NFXL1: variants seen among roughly 807,000 people sequenced by gnomAD.
NFXL1 encodes the protein nuclear transcription factor, X-box binding like 1, also known as NF-X1-type zinc finger protein NFXL1.
NFXL1 carries 66 observed loss-of-function variants against 123.3 expected under a neutral mutation model. The ratio of observed to expected loss-of-function variants is 0.54; its 90% confidence interval spans 0.44 to 0.66. NFXL1 has a LOEUF of 0.66. Among genes scored for constraint, NFXL1 ranks in the 30% least tolerant of loss-of-function variants. NFXL1 has a pLI of 0.00. For synonymous variants in NFXL1, 346 were observed against 360.8 expected (o/e 0.96, Z 0.46); for missense variants, 944 against 1,125.6 (o/e 0.84, Z 2.31).
chr4:47,903,654 T>C (rs57159058), intron 4 of NFXL1, among the ~76,000 whole-genome samples: 49,761 of 151,986 alleles, frequency 0.33, 9,839 homozygotes, highest in Non-Finnish European at 0.44. Context: ...AATGTAACTT[T>C]ATAGTCTTTT....
At chr4:47,855,348 A>G (rs894606046) in intron 19 of NFXL1, among the ~76,000 whole-genome samples, 185 bp from the exon 20 acceptor site, 2 of 149,214 alleles carry the variant, frequency 1.3e-5, no homozygotes, top group African/African-American at 4.9e-5. Flanking sequence ...TATATAATTT[A>G]ATTATATATA....
chr4:47,875,106 C>CT (rs750205635), intron 18 of NFXL1, 21 bp downstream of exon 18: 108 of 1,519,970 alleles, frequency 7.1e-5, no homozygotes, highest in Middle Eastern at 1.7e-4. Flanking sequence ...TAAAATAAGA[C>CT]TTTTTTTTCA....
At chr4:47,861,279 C>T (rs1734752027) in intron 19 of NFXL1, among the ~76,000 whole-genome samples, 1 of 152,178 alleles carries the variant, frequency 6.6e-6, no homozygotes, top group African/African-American at 2.4e-5. Context: ...TTCTACTAGA[C>T]ACAATGAAAT....
In NFXL1 at chr4:47,896,689, T is replaced by C. The variant is rs376699754; in HGVS notation, c.1205-42A>G. On this transcript the variant is annotated intron_variant, in intron 9 of 22. Transcript: ENST00000507489. ...AGTCAATGTTAATAATGAGACATTA[T>C]TATTAAACATCAACAAAGTGCCATG... is the stretch of plus-strand genomic sequence containing the variant. 35 of 1,416,610 alleles carry C rather than the reference T, an allele frequency of 2.5e-5. No individual in the cohort carries two copies. In the African/African-American group the frequency reaches 4.8e-4, roughly 19 times the overall value. The allele number at this position is 1,416,610 out of a possible 1,614,324, so 87.8% of individuals were successfully genotyped here.
chr4:47,888,166 C>T (rs779301076), intron 12 of NFXL1, among the ~76,000 whole-genome samples: 5 of 152,010 alleles, frequency 3.3e-5, no homozygotes, highest in Non-Finnish European at 5.9e-5. Context: ...GCCAGCTGCT[C>T]GGGAGGCTGA....
At chr4:47,863,501 G>A (rs1734880428) in intron 18 of NFXL1, among the ~76,000 whole-genome samples, 1 of 152,056 alleles carries the variant, frequency 6.6e-6, no homozygotes, top group Non-Finnish European at 1.5e-5. Flanking sequence ...AGCCAACATG[G>A]TGAAAGCCCA....
intron 22 of NFXL1, among the ~76,000 whole-genome samples, chr4:47,849,795 ATGAT>A (rs1734013652): frequency 6.6e-6 from 1 of 152,154 alleles, no homozygotes; most frequent in African/African-American, 2.4e-5. Flanking sequence ...AAACCTGAGG[ATGAT>A]CAAGTCTCTA....
Position 47,848,183 on chromosome 4 carries a change from T to C in NFXL1, c.2716A>G (p.Ile906Val), listed in dbSNP as rs766240007. The C allele has an allele frequency of 8.8e-6, 14 of 1,595,180 alleles. No individual in the cohort carries two copies. In the African/African-American group the frequency reaches 1.7e-4, roughly 20 times the overall value. ...GVVVVVFAWY[I>V]THDVN Reference sequence around the variant, plus strand: ...TTTTTTTAATTGACATCATGGGTGATGTACCAGGCAAACACTACAACCACA... The same window carrying C: ...TTTTTTTAATTGACATCATGGGTGACGTACCAGGCAAACACTACAACCACA... The change falls in exon 23 of 23, where the codon ATC becomes GTC. Residue 906 changes from isoleucine to valine, a missense_variant. Coordinates refer to ENST00000507489, the MANE Select transcript of NFXL1 (RefSeq NM_001278624.2).
intron 10 of NFXL1, among the ~76,000 whole-genome samples, chr4:47,896,017 G>C (rs184817693): frequency 1.3e-5 from 2 of 152,210 alleles, no homozygotes; most frequent in Admixed American, 1.3e-4. Flanking sequence ...GAGAGGGAAA[G>C]AGAATGGGGA....
At chr4:47,865,581 T>C (rs80230953) in intron 18 of NFXL1, among the ~76,000 whole-genome samples, 20 of 149,984 alleles carry the variant, frequency 1.3e-4, no homozygotes, top group African/African-American at 2.9e-4. Context: ...AAAAACTAAA[T>C]GAAAAACAGA....
rs1245823273 is a variant in NFXL1, at chr4:47,862,932, T to G, written c.2247-17A>C. The G allele has an allele frequency of 1.4e-6, 2 of 1,438,694 alleles. No individual in the cohort carries two copies. Among genetic ancestry groups the G allele is most frequent in the East Asian group, 4.7e-5 (2 of 42,934 alleles). The allele number at this position is 1,438,694 out of a possible 1,614,324, so 89.1% of individuals were successfully genotyped here. ...GTTATTTTTCTAAAAATAAGAAAGT[T>G]GATGACATTCAAACAAAAATCCATT... On this transcript the variant is annotated splice_polypyrimidine_tract_variant and intron_variant, in intron 18 of 22. Coordinates refer to ENST00000507489, the MANE Select transcript of NFXL1 (RefSeq NM_001278624.2).
At chr4:47,863,667 G>A (rs1734891661) in intron 18 of NFXL1, among the ~76,000 whole-genome samples, 1 of 152,126 alleles carries the variant, frequency 6.6e-6, no homozygotes. Flanking sequence ...GGGTGACTGA[G>A]CAAGACTCTG....
chr4:47,859,029 A>G (rs148733627), intron 19 of NFXL1, among the ~76,000 whole-genome samples: 513 of 152,368 alleles, frequency 3.4e-3, no homozygotes, highest in Admixed American at 7.5e-3. Context: ...ACTTGAATGC[A>G]TAAGATAAAA....
chr4:47,898,389 A>G (rs1737215740), intron 8 of NFXL1, among the ~76,000 whole-genome samples: 1 of 152,178 alleles, frequency 6.6e-6, no homozygotes, highest in Admixed American at 6.5e-5. Context: ...AAACCATGCC[A>G]ATTCTAGGAC....
intron 10 of NFXL1, 85 bp from the exon 11 acceptor site, chr4:47,894,387 TAATG>T (rs1259062841): frequency 5.2e-6 from 5 of 957,514 alleles, no homozygotes; most frequent in Non-Finnish European, 5.7e-6. Flanking sequence ...TATTAAAACA[TAATG>T]AACAAAAATT....
chr4:47,883,179 A>C (rs914285400), intron 15 of NFXL1, among the ~76,000 whole-genome samples: 1 of 152,018 alleles, frequency 6.6e-6, no homozygotes, highest in African/African-American at 2.4e-5. Context: ...TGGAAAGAGA[A>C]GGTTGCAGTG....
chr4:47,864,031 A>T (rs558813509), intron 18 of NFXL1, among the ~76,000 whole-genome samples: 11 of 152,282 alleles, frequency 7.2e-5, no homozygotes, highest in African/African-American at 2.6e-4. Flanking sequence ...ATTCATACTA[A>T]ATTAGCTATA....
chr4:47,899,589 T>C (rs761080086), intron 5 of NFXL1, 41 bp from the exon 6 acceptor site: 1 of 1,310,820 alleles, frequency 7.6e-7, no homozygotes, highest in Admixed American at 1.7e-5. Flanking sequence ...ACTTCACCTT[T>C]AAAAGCAACA....
chr4:47,910,912 G>A lies in NFXL1; in HGVS notation c.318C>T (p.Ser106=). ...AARKLVEEQF[S]SSSEEGDEDF... Reference sequence around the variant, plus strand: ...CTTCATCTCCTTCTTCAGATGAAGAGCTAAACTGTTCTTCAACAAGTTTTC... The same window carrying A: ...CTTCATCTCCTTCTTCAGATGAAGAACTAAACTGTTCTTCAACAAGTTTTC... Residue 106 remains serine, a synonymous_variant, in exon 3 of 23, where the codon AGC becomes AGT. Coordinates refer to ENST00000507489, the MANE Select transcript of NFXL1 (RefSeq NM_001278624.2). 1 of 1,602,330 alleles carries A rather than the reference G, an allele frequency of 6.2e-7. No homozygotes were observed.
Sources: allele counts gnomAD v4.1 joint callset (sites outside exome capture counted in the v4.1 genomes callset), GRCh38; gene constraint gnomAD v4.1.1; transcripts MANE v1.5; gene names NCBI Gene and HGNC (gene_info 2026-07-23, HGNC 2026-07-21).